ZNF610: variants seen among roughly 807,000 people sequenced by gnomAD.
The protein encoded by ZNF610 is zinc finger protein 610, also known as zink finger protein.
Under a neutral mutation model 14.1 loss-of-function variants are expected in ZNF610, and 14 were observed. The ratio of observed to expected loss-of-function variants is 0.99; its 90% CI spans 0.65 to 1.55. ZNF610 has a LOEUF of 1.55. ZNF610 is among the 40% of genes most tolerant of loss of function. The pLI is 0.00. For synonymous variants in ZNF610, 185 were observed against 187.6 expected, an observed-to-expected ratio of 0.99 and a Z score of 0.11; for missense variants, 530 against 558.0, an observed-to-expected ratio of 0.95 and a Z score of 0.51.
chr19:52,354,364 A>G lies in ZNF610; in HGVS notation c.304A>G (p.Arg102Gly), dbSNP rs756826256. Residue 102 changes from arginine (R) to glycine (G), a missense_variant, in exon 5 of 6, where the codon AGA (arginine) becomes GGA (glycine). Arg to Gly is a moderately radical substitution (Grantham distance 125). Transcript: ENST00000403906. ...AAATACAGATGGAAGGGAATGTGTC[A>G]GAAGCGTGAACACAGGTAAGAGCTC... Reference protein sequence around the residue: ...VKNTDGRECVRSVNTGRSCVL... With the variant: ...VKNTDGRECVGSVNTGRSCVL... The G allele has an allele frequency of 2.0e-5, 33 of 1,614,032 alleles. No individual in the cohort carries two copies. Among genetic ancestry groups the G allele is most frequent in the Non-Finnish European group, 2.8e-5 (33 of 1,180,028 alleles).
chr19:52,335,594 GCA>G (rs1182079798), upstream of ZNF610, among the ~76,000 whole-genome samples: 1 of 152,142 alleles, frequency 6.6e-6, no homozygotes, highest in Non-Finnish European at 1.5e-5. Flanking sequence ...TCAGCTGCCA[GCA>G]CAGTCAGAAT....
Position 52,354,233 on chromosome 19 carries a change from C to G in ZNF610, c.191-18C>G, listed in dbSNP as rs759355966. The G allele has an allele frequency of 8.1e-6, 13 of 1,612,762 alleles. No homozygotes were observed. Among genetic ancestry groups the G allele is most frequent in the Non-Finnish European group, 1.1e-5 (13 of 1,179,530 alleles). On this transcript the variant is annotated intron_variant, in intron 4 of 5. Transcript: ENST00000403906. ...GGAAATGCCCCAGCACATCTTGTTT[C>G]TTTCTTTTTATTAACAGGAATCTGT...
chr19:52,343,148 C>G (rs931947311), intron 1 of ZNF610, among the ~76,000 whole-genome samples: 1 of 152,190 alleles, frequency 6.6e-6, no homozygotes, highest in African/African-American at 2.4e-5. Flanking sequence ...CTGCACATAT[C>G]AGATGAGGGA....
At chr19:52,333,152 G>A (rs182565804), upstream of ZNF610, among the ~76,000 whole-genome samples, 45 of 152,336 alleles carry the variant, frequency 3.0e-4, no homozygotes, top group East Asian at 8.5e-3. Context: ...CCTGTGTTAA[G>A]CAGGCAACAT....
At position 52,346,050 on chromosome 19, in the gene ZNF610, A is replaced by C. The variant is rs542880142; in HGVS notation, c.-257-1657A>C. ...GTCTCACTCTGTCACCCAGGCTGGA[A>C]TGTAGTAGTGTGATCTTGGCTCACT... On this transcript the variant is annotated intron_variant, in intron 1 of 5. Transcript: ENST00000403906. 5.1e-4 allele frequency among the ~76,000 whole-genome samples: 77 copies of C among 150,074 alleles called. No homozygotes were observed. In the South Asian group the frequency reaches 0.016, roughly 31 times the overall value.
chr19:52,344,847 A>G (rs1005018257), intron 1 of ZNF610, among the ~76,000 whole-genome samples: 6 of 152,174 alleles, frequency 3.9e-5, no homozygotes, highest in Admixed American at 3.9e-4. Context: ...CAGTGGTGCA[A>G]TATCGGCTCA....
chr19:52,352,951 T>G (rs1202450536), intron 3 of ZNF610, among the ~76,000 whole-genome samples: 1 of 152,182 alleles, frequency 6.6e-6, no homozygotes. Flanking sequence ...GTTTGTTTAT[T>G]TTTTGAGACG....
rs568578388 is a variant in ZNF610 at position 52,359,348 on chromosome 19, G to A, written c.319+4969G>A. On this transcript the variant is annotated intron_variant, in intron 5 of 5. Coordinates refer to ENST00000403906, the MANE Select transcript of ZNF610 (RefSeq NM_001161425.2). ...AGATTTCTGTGTACAAATTTTTCCC[G>A]TCCTTGTTAAGCTTATTCCCTCCAT... Among the ~76,000 whole-genome samples the A allele has an allele frequency of 5.3e-5, 8 of 152,010 alleles. No individual in the cohort carries two copies. In the South Asian group the frequency reaches 6.2e-4, roughly 12 times the overall value.
chr19:52,330,624 T>A, the ZNF610 span, among the ~76,000 whole-genome samples: 1 of 152,194 alleles, frequency 6.6e-6, no homozygotes, highest in African/African-American at 2.4e-5. Context: ...GCTTTTTTAT[T>A]TCCATGGACC....
At chr19:52,361,969 G>A (rs1189978759) in intron 5 of ZNF610, among the ~76,000 whole-genome samples, 1 of 152,010 alleles carries the variant, frequency 6.6e-6, no homozygotes, top group African/African-American at 2.4e-5. Flanking sequence ...CTCCCACATT[G>A]GAGTGCAGTA....
intron 5 of ZNF610, among the ~76,000 whole-genome samples, chr19:52,357,781 G>A (rs543137582): frequency 6.6e-6 from 1 of 152,164 alleles, no homozygotes; most frequent in East Asian, 1.9e-4. Flanking sequence ...TCGCGCCACT[G>A]CACTGCAGCC....
intron 5 of ZNF610, among the ~76,000 whole-genome samples, chr19:52,362,177 G>A (rs1187808227): frequency 6.6e-6 from 1 of 152,036 alleles, no homozygotes; most frequent in Non-Finnish European, 1.5e-5. Flanking sequence ...TCGGGAGGCC[G>A]AGGCGGGTGG....
chr19:52,357,696 A>G, intron 5 of ZNF610, among the ~76,000 whole-genome samples: 1 of 151,002 alleles, frequency 6.6e-6, no homozygotes, highest in Non-Finnish European at 1.5e-5. Flanking sequence ...CAGGCATGGT[A>G]GTACACACCT....
Position 52,350,713 on chromosome 19 carries a change from T to C in ZNF610, c.63+1478T>C, listed in dbSNP as rs527885622. 1.1e-3 allele frequency among the ~76,000 whole-genome samples: 163 copies of C among 150,630 alleles called. 1 individual carries two copies. Among genetic ancestry groups the C allele is most frequent in the African/African-American group, 3.8e-3 (158 of 41,044 alleles). On this transcript the variant is annotated intron_variant, in intron 3 of 5. Transcript: ENST00000403906. ...CAAAACAAAAAAAACCTATACAGCA[T>C]TATAAGGCTGGACGCTGTGGCTCAT...
chr19:52,360,820 T>C (rs928211982), intron 5 of ZNF610, among the ~76,000 whole-genome samples: 1 of 152,194 alleles, frequency 6.6e-6, no homozygotes, highest in Non-Finnish European at 1.5e-5. Flanking sequence ...AGCATTTTGT[T>C]GTGGATATTT....
chr19:52,358,790 G>A (rs1985649810), intron 5 of ZNF610, among the ~76,000 whole-genome samples: 1 of 152,150 alleles, frequency 6.6e-6, no homozygotes, highest in South Asian at 2.1e-4. Context: ...TTAGGTCTTA[G>A]TTTTAGGTCA....
At position 52,349,195 on chromosome 19, in the gene ZNF610, A is replaced by C; in HGVS notation, c.23A>C (p.Gln8Pro). The change falls in exon 3 of 6, where the codon CAG (glutamine) becomes CCG (proline). Residue 8 changes from glutamine (Q) to proline (P), a missense_variant. Coordinates refer to ENST00000403906, the MANE Select transcript of ZNF610 (RefSeq NM_001161425.2). ...GTCATGCTATGTGATGAAGAAGCCC[A>C]GAAGAGGAAAGCAAAGGAGTCAGGG... MLCDEEAQKRKAKESGMA... is the reference protein window; with the variant it reads MLCDEEAPKRKAKESGMA... The C allele has an allele frequency of 6.2e-7, 1 of 1,613,538 alleles. No individual in the cohort carries two copies. The highest frequency in any genetic ancestry group is 8.5e-7 in the Non-Finnish European group (1 of 1,179,968).
chr19:52,353,975 T>G (rs2122234513), intron 4 of ZNF610, among the ~76,000 whole-genome samples, 167 bp downstream of exon 4: 1 of 152,316 alleles, frequency 6.6e-6, no homozygotes, highest in Admixed American at 6.5e-5. Context: ...GCGTCCTTTC[T>G]TCAGATGTAC....
chr19:52,333,814 G>A (rs1451951839), upstream of ZNF610, among the ~76,000 whole-genome samples: 1 of 152,190 alleles, frequency 6.6e-6, no homozygotes, highest in East Asian at 1.9e-4. Flanking sequence ...TTGTATGTAA[G>A]TGTAGTGAAA....
Sources: allele counts gnomAD v4.1 joint callset (sites outside exome capture counted in the v4.1 genomes callset), GRCh38; gene constraint gnomAD v4.1.1; transcripts MANE v1.5; gene names NCBI Gene and HGNC (gene_info 2026-07-23, HGNC 2026-07-21).